The following DDC variants were observed in gnomAD, a reference collection of about 807,000 sequenced individuals.
The protein encoded by DDC is dopa decarboxylase, also known as aromatic-L-amino-acid decarboxylase.
A neutral mutation model predicts 60.0 loss-of-function variants in DDC; 43 were observed. The observed-to-expected ratio is 0.72, with a 90% CI of 0.56 to 0.92. The LOEUF is 0.92. Among genes scored for constraint, DDC ranks in the 40% least tolerant of loss-of-function variants. The probability of loss-of-function intolerance (pLI) is 0.00; values close to 1 mark genes in which losing one functional copy is unlikely to be tolerated. For synonymous variants in DDC, 232 were observed against 234.6 expected, an observed-to-expected ratio of 0.99 and a Z score of 0.10; for missense variants, 573 against 620.2, an observed-to-expected ratio of 0.92 and a Z score of 0.81.
chr7:50,530,276 G>T (rs1429973897), intron 4 of DDC, among the ~76,000 whole-genome samples: 1 of 152,034 alleles, frequency 6.6e-6, no homozygotes, highest in South Asian at 2.1e-4. Context: ...TAAATAAAAA[G>T]AAGGGGAAAT....
intron 9 of DDC, among the ~76,000 whole-genome samples, chr7:50,491,705 T>C (rs1324677202): frequency 6.6e-6 from 1 of 152,200 alleles, no homozygotes; most frequent in East Asian, 1.9e-4. Context: ...CACCTTATCT[T>C]ATATAAAGAG....
At chr7:50,471,733 T>A (rs953348580) in intron 11 of DDC, among the ~76,000 whole-genome samples, 4 of 152,168 alleles carry the variant, frequency 2.6e-5, no homozygotes, top group African/African-American at 9.7e-5. Flanking sequence ...GCACACACAG[T>A]TGTCTGCTGG....
chr7:50,519,930 G>A (rs2043845403), intron 6 of DDC, among the ~76,000 whole-genome samples: 1 of 147,342 alleles, frequency 6.8e-6, no homozygotes, highest in African/African-American at 2.5e-5. Context: ...TCAGCACAGA[G>A]GTAGTCTACA....
chr7:50,539,996 G>A lies in DDC; in HGVS notation c.234C>T (p.Ala78=), dbSNP rs11575302. The change falls in exon 3 of 15, where the codon GCC becomes GCT. Residue 78 remains alanine, a synonymous_variant. Coordinates refer to ENST00000444124, the MANE Select transcript of DDC (RefSeq NM_001082971.2). ...VTHWHSPYFF[A]YFPTASSYPA... is the part of the protein sequence containing the mutation. The stretch of plus-strand genomic sequence containing the variant: ...GGTACGAGCTGGCAGTGGGGAAGTA[G>A]GCGAAGAAGTAGGGGCTGTGCCAGT... The A allele has an allele frequency of 0.021, 34,437 of 1,613,830 alleles. 1,036 individuals are homozygous for A. Among genetic ancestry groups the A allele is most frequent in the African/African-American group, 0.14 (10,708 of 74,968 alleles).
At chr7:50,472,229 C>G (rs1417879810) in intron 11 of DDC, among the ~76,000 whole-genome samples, 1 of 152,168 alleles carries the variant, frequency 6.6e-6, no homozygotes, top group Non-Finnish European at 1.5e-5. Flanking sequence ...TTAGTCCCAG[C>G]CCCAAGCCCA....
intron 6 of DDC, among the ~76,000 whole-genome samples, chr7:50,511,246 T>C (rs926368679): frequency 6.6e-6 from 1 of 151,630 alleles, no homozygotes; most frequent in African/African-American, 2.4e-5. Context: ...TATATGTATA[T>C]ATGAGAGAGA....
chr7:50,520,469 A>C (rs1437906644), intron 6 of DDC, among the ~76,000 whole-genome samples: 1 of 152,244 alleles, frequency 6.6e-6, no homozygotes, highest in Non-Finnish European at 1.5e-5. Context: ...TTCAATGAAA[A>C]TGACAATAAA....
chr7:50,513,376 C>A (rs2043638004), intron 6 of DDC, among the ~76,000 whole-genome samples: 1 of 152,138 alleles, frequency 6.6e-6, no homozygotes, highest in Non-Finnish European at 1.5e-5. Context: ...CCACAGGGAT[C>A]CATTGGGAAG....
In DDC at chr7:50,480,226, CA is replaced by C. The variant is rs540258009; in HGVS notation, c.945-364del. On this transcript the variant is annotated intron_variant, in intron 9 of 14. Transcript: ENST00000444124. Reference sequence around the variant, plus strand: ...TGAGTTGGCCAGTGATTTAAGCAATCATCCCTACTGAATGAAACTCCGTTAA... The same window carrying C: ...TGAGTTGGCCAGTGATTTAAGCAATCTCCCTACTGAATGAAACTCCGTTAA... 2.2e-4 allele frequency among the ~76,000 whole-genome samples: 34 copies of C among 152,242 alleles called. No individual in the cohort carries two copies. The South Asian group carries it at 5.4e-3, about 24-fold the overall frequency.
chr7:50,494,234 A>C (rs533204973), intron 9 of DDC, among the ~76,000 whole-genome samples: 61 of 152,322 alleles, frequency 4.0e-4, no homozygotes, highest in Non-Finnish European at 7.6e-4. Context: ...CCGGCCAGGC[A>C]CCGTGGCTTA....
chr7:50,480,099 A>C (rs2042733525), intron 9 of DDC: 1 of 558,332 alleles, frequency 1.8e-6, no homozygotes, highest in Non-Finnish European at 3.2e-6. Flanking sequence ...AACCCTTGAG[A>C]TCTCCTAGTG....
chr7:50,561,869 C>A (rs867778952), intron 1 of DDC, among the ~76,000 whole-genome samples: 5 of 152,260 alleles, frequency 3.3e-5, no homozygotes, highest in Middle Eastern at 3.4e-3. Context: ...TGCACACACA[C>A]CATGCACACT....
At chr7:50,529,530 T>C (rs1490909463) in intron 4 of DDC, among the ~76,000 whole-genome samples, 188 bp from the exon 5 acceptor site, 2 of 152,206 alleles carry the variant, frequency 1.3e-5, no homozygotes, top group Non-Finnish European at 2.9e-5. Context: ...ACTTCAGCTG[T>C]TGGTATGAGT....
chr7:50,476,526 G>T, intron 11 of DDC, 98 bp downstream of exon 11: 1 of 1,151,702 alleles, frequency 8.7e-7, no homozygotes, highest in Non-Finnish European at 1.3e-6. Context: ...ACCAGTGCGT[G>T]CTGATCATGA....
chr7:50,463,050 G>A (rs1032537055), intron 14 of DDC, among the ~76,000 whole-genome samples, 163 bp downstream of exon 14: 3 of 152,188 alleles, frequency 2.0e-5, no homozygotes, highest in Admixed American at 1.3e-4. Flanking sequence ...TTACAGGCGT[G>A]AGCCACCGCA....
chr7:50,470,802 C>T (rs2042512499), intron 11 of DDC, among the ~76,000 whole-genome samples: 1 of 152,164 alleles, frequency 6.6e-6, no homozygotes, highest in African/African-American at 2.4e-5. Context: ...GTTGACCGGC[C>T]CCCACACACT....
chr7:50,483,541 T>A (rs903797535), intron 9 of DDC, among the ~76,000 whole-genome samples: 3 of 152,198 alleles, frequency 2.0e-5, no homozygotes, highest in African/African-American at 7.2e-5. Context: ...TTTGCTGCTC[T>A]CTGTGAATTA....
chr7:50,514,388 A>G (rs1006397115), intron 6 of DDC, among the ~76,000 whole-genome samples: 1 of 152,222 alleles, frequency 6.6e-6, no homozygotes, highest in African/African-American at 2.4e-5. Context: ...AAGAACCAGG[A>G]AACCAACCCC....
rs1051698958 is a variant in DDC, at chr7:50,514,428, A to T, written c.715-10369T>A. ...ATATGACAACACATGGCTTTTCAACACCCCCCAAAAAAATCACACTAGTTC... is the reference window on the plus strand; with the variant it reads ...ATATGACAACACATGGCTTTTCAACTCCCCCCAAAAAAATCACACTAGTTC... On this transcript the variant is annotated intron_variant, in intron 6 of 14. Coordinates refer to ENST00000444124, the MANE Select transcript of DDC (RefSeq NM_001082971.2). Among the ~76,000 whole-genome samples the T allele has an allele frequency of 7.9e-5, 12 of 152,094 alleles. No homozygotes were observed. The East Asian group carries it at 2.3e-3, about 29-fold the overall frequency.
Sources: allele counts gnomAD v4.1 joint callset (sites outside exome capture counted in the v4.1 genomes callset), GRCh38; gene constraint gnomAD v4.1.1; transcripts MANE v1.5; gene names NCBI Gene and HGNC (gene_info 2026-07-23, HGNC 2026-07-21).